The following COL18A1 variants were observed in gnomAD, a reference collection of about 807,000 sequenced individuals.
COL18A1 encodes collagen type XVIII alpha 1 chain.
Under a neutral mutation model 168.0 loss-of-function variants are expected in COL18A1, and 133 were observed. The ratio of observed to expected loss-of-function variants is 0.79; its 90% CI spans 0.69 to 0.91. The LOEUF is 0.91. Ranked by LOEUF, COL18A1 falls within the 40% of genes least tolerant of loss-of-function variation. The pLI is 0.00. For missense variants in COL18A1, 2,126 were observed against 1,925.4 expected (o/e 1.10, Z -1.95); for synonymous variants, 949 against 809.0 (o/e 1.17, Z -2.94).
At chr21:45,494,640 C>T (rs532473316) in intron 27 of COL18A1, 69 bp downstream of exon 27, 24 of 1,602,836 alleles carry the variant, frequency 1.5e-5, no homozygotes, top group South Asian at 5.5e-5. Context: ...CGGTCGCCCG[C>T]GGCTGCTGAG....
chr21:45,432,074 G>C (rs767926107), intron 2 of COL18A1, among the ~76,000 whole-genome samples: 11 of 152,186 alleles, frequency 7.2e-5, no homozygotes, highest in Admixed American at 6.5e-5. Context: ...TGCCCACCTC[G>C]GTCCCCACTG....
intron 2 of COL18A1, among the ~76,000 whole-genome samples, chr21:45,410,277 G>A (rs541549539): frequency 7.2e-5 from 11 of 152,264 alleles, no homozygotes; most frequent in Admixed American, 2.6e-4. Context: ...TGGGCCCCTC[G>A]TTCCCACAGG....
intron 2 of COL18A1, among the ~76,000 whole-genome samples, chr21:45,467,791 G>A (rs988442081): frequency 1.3e-5 from 2 of 152,130 alleles, no homozygotes; most frequent in Admixed American, 6.5e-5. Flanking sequence ...GGGCGGGAAG[G>A]CTGCCAGCCC....
chr21:45,433,385 G>A (rs1461611455), intron 2 of COL18A1, among the ~76,000 whole-genome samples: 2 of 152,206 alleles, frequency 1.3e-5, no homozygotes, highest in Non-Finnish European at 2.9e-5. Flanking sequence ...GTGGAGCCCG[G>A]GAGCCTCTCT....
At chr21:45,497,977 C>T (rs114254730) in intron 32 of COL18A1, among the ~76,000 whole-genome samples, 1,808 of 152,318 alleles carry the variant, frequency 0.012, 40 homozygotes, top group African/African-American at 0.041. Flanking sequence ...TCCTGAGATG[C>T]CCCCTCCCCT....
chr21:45,471,016 T>C lies in COL18A1; in HGVS notation c.651+2230T>C, dbSNP rs1293472843. Among the ~76,000 whole-genome samples the C allele has an allele frequency of 7.8e-5, 10 of 128,604 alleles. 1 individual carries two copies. Among genetic ancestry groups the C allele is most frequent in the African/African-American group, 2.8e-4 (8 of 28,872 alleles). The allele number at this position is 128,604 out of a possible 152,430, so 84.4% of individuals were successfully genotyped here. On this transcript the variant is annotated intron_variant, in intron 3 of 41. Coordinates refer to ENST00000651438, the MANE Select transcript of COL18A1 (RefSeq NM_001379500.1). The surrounding 1 kb of genome is among the most constrained non-coding windows in gnomAD (Gnocchi z 4.4). ...TTCGTGCTGCTGGGCCTGGGTGGCGTGCTACGGGCTTGTGCTGCTGGGTGT... is the reference window on the plus strand; with the variant it reads ...TTCGTGCTGCTGGGCCTGGGTGGCGCGCTACGGGCTTGTGCTGCTGGGTGT...
intron 40 of COL18A1, 42 bp from the exon 41 acceptor site, chr21:45,511,068 AC>A (rs754373124): frequency 2.6e-6 from 2 of 768,288 alleles, no homozygotes; most frequent in Admixed American, 2.7e-5. Flanking sequence ...ACCCATCCAC[AC>A]CCCCACACAC....
chr21:45,464,640 C>G (rs932312705), intron 2 of COL18A1, among the ~76,000 whole-genome samples: 18 of 152,200 alleles, frequency 1.2e-4, no homozygotes, highest in African/African-American at 4.3e-4. Context: ...AGGGCTGGGT[C>G]CCTCTGGGAC....
intron 15 of COL18A1, among the ~76,000 whole-genome samples, chr21:45,485,544 G>A (rs542151434): frequency 6.6e-6 from 1 of 152,278 alleles, no homozygotes; most frequent in East Asian, 1.9e-4. Context: ...AGGATGCCAG[G>A]CACTAAGACA....
chr21:45,418,766 A>G, intron 2 of COL18A1, among the ~76,000 whole-genome samples: 1 of 71,122 alleles, frequency 1.4e-5, no homozygotes, highest in East Asian at 3.0e-4. Flanking sequence ...AGGGGCCTCC[A>G]AGGCTGTCTC....
chr21:45,495,709 C>A, intron 29 of COL18A1: 1 of 398,458 alleles, frequency 2.5e-6, no homozygotes, highest in Admixed American at 3.8e-5. Flanking sequence ...TACACACGCG[C>A]ACACATACAC....
At chr21:45,424,138 TG>T (rs1440527922) in intron 2 of COL18A1, 1 of 152,258 alleles carries the variant, frequency 6.6e-6, no homozygotes, top group Admixed American at 6.5e-5. Flanking sequence ...GTCGGGACCC[TG>T]GCAGGCCACC....
chr21:45,489,338 A>G (rs894986275), intron 18 of COL18A1, 148 bp from the exon 19 acceptor site: 18 of 728,974 alleles, frequency 2.5e-5, no homozygotes, highest in African/African-American at 3.5e-5. Context: ...CAAGTTGCTC[A>G]GTGTCCCTGG....
At chr21:45,479,766 A>G (rs2035827498) in intron 9 of COL18A1, 136 bp from the exon 10 acceptor site, 2 of 1,285,128 alleles carry the variant, frequency 1.6e-6, no homozygotes, top group South Asian at 1.3e-5. Context: ...GCGCCCTCGT[A>G]CTTTCCGGGC....
chr21:45,413,961 C>A (rs1217333571), intron 2 of COL18A1, among the ~76,000 whole-genome samples: 1 of 152,248 alleles, frequency 6.6e-6, no homozygotes, highest in African/African-American at 2.4e-5. Context: ...TATAAATTCT[C>A]ATTTCAGCTA....
chr21:45,511,232 T>G lies in COL18A1; in HGVS notation c.3809+6T>G. ...GTCCTGAGGCACCCCACCTGGTAGG[T>G]TCCCAGTGCCGTGTGAGCAGCTCTG... On this transcript the variant is annotated splice_donor_region_variant and intron_variant, in intron 41 of 41. Transcript: ENST00000651438. 1 of 1,498,158 alleles carries G rather than the reference T, an allele frequency of 6.7e-7. No individual in the cohort carries two copies. Among genetic ancestry groups the G allele is most frequent in the Non-Finnish European group, 9.2e-7 (1 of 1,090,430 alleles). The allele number at this position is 1,498,158 out of a possible 1,614,324, so 92.8% of individuals were successfully genotyped here.
intron 15 of COL18A1, among the ~76,000 whole-genome samples, chr21:45,483,740 T>G (rs1009586109): frequency 1.1e-4 from 16 of 152,096 alleles, no homozygotes; most frequent in African/African-American, 3.9e-4. Flanking sequence ...AGCTCCAGGA[T>G]GGGGGTGATG....
chr21:45,411,481 C>T (rs951989351), intron 2 of COL18A1, among the ~76,000 whole-genome samples: 2 of 152,026 alleles, frequency 1.3e-5, no homozygotes, highest in African/African-American at 4.8e-5. Flanking sequence ...CGTGCCTGCC[C>T]GAGAAGAGAA....
intron 2 of COL18A1, among the ~76,000 whole-genome samples, chr21:45,451,614 C>T (rs1386985774): frequency 6.6e-6 from 1 of 152,196 alleles, no homozygotes; most frequent in Non-Finnish European, 1.5e-5. Flanking sequence ...TTTGTTGAGT[C>T]GAATGAGGAC....
Sources: gnomAD v4.1 joint callset for allele counts (sites outside exome capture counted in the v4.1 genomes callset) on GRCh38, gnomAD v4.1.1 for gene constraint, Gnocchi (gnomAD v3.1) non-coding constraint, MANE v1.5 for transcripts, NCBI Gene and HGNC (gene_info 2026-07-23, HGNC 2026-07-21) for gene names.